The following AFF3 variants were observed in gnomAD, a reference collection of about 807,000 sequenced individuals.
AFF3 encodes the protein AF4/FMR2 family member 3.
AFF3 carries 32 observed loss-of-function variants against 129.7 expected under a neutral mutation model. That is an observed-to-expected ratio of 0.25 (90% confidence interval 0.19 to 0.33). The LOEUF is 0.33. Ranked by LOEUF, AFF3 falls within the 10% of genes least tolerant of loss-of-function variation. The pLI is 1.00. For synonymous variants in AFF3, 644 were observed against 635.4 expected, an observed-to-expected ratio of 1.01 and a Z score of -0.20; for missense variants, 1,373 against 1,592.0, an observed-to-expected ratio of 0.86 and a Z score of 2.34.
At chr2:100,034,523 C>G (rs1043126320) in intron 4 of AFF3, among the ~76,000 whole-genome samples, 9 of 151,856 alleles carry the variant, frequency 5.9e-5, no homozygotes, top group Non-Finnish European at 1.2e-4. Flanking sequence ...CCATAAAAAC[C>G]TAATTTTCCC....
At chr2:99,888,545 T>A (rs1244140097) in intron 7 of AFF3, among the ~76,000 whole-genome samples, 1 of 152,210 alleles carries the variant, frequency 6.6e-6, no homozygotes, top group Non-Finnish European at 1.5e-5. Flanking sequence ...AATTTCTTTT[T>A]AAAAATTGTG....
At chr2:100,134,294 A>G (rs990456530) in intron 1 of AFF3, among the ~76,000 whole-genome samples, 2 of 152,244 alleles carry the variant, frequency 1.3e-5, no homozygotes, top group African/African-American at 4.8e-5. Context: ...TTAAAATTTC[A>G]TCAATATTAT....
intron 2 of AFF3, among the ~76,000 whole-genome samples, chr2:100,111,265 G>C (rs756048192): frequency 3.3e-5 from 5 of 152,232 alleles, no homozygotes; most frequent in Non-Finnish European, 7.3e-5. Flanking sequence ...ACATTGCCGT[G>C]TATAGTCAGG....
intron 15 of AFF3, 49 bp downstream of exon 15, chr2:99,593,146 T>G (rs747462736): frequency 6.6e-6 from 10 of 1,520,588 alleles, no homozygotes; most frequent in Non-Finnish European, 7.9e-6. Context: ...AGTTAAGAGA[T>G]AGCCCCTTCC....
intron 21 of AFF3, 49 bp downstream of exon 21, chr2:99,560,316 A>G: frequency 2.5e-6 from 4 of 1,586,690 alleles, no homozygotes; most frequent in Non-Finnish European, 3.5e-6. Flanking sequence ...TTTGCCAATG[A>G]TGGCATGCGA....
At chr2:99,622,206 C>T (rs1682089765) in intron 13 of AFF3, among the ~76,000 whole-genome samples, 1 of 152,102 alleles carries the variant, frequency 6.6e-6, no homozygotes, top group African/African-American at 2.4e-5. Flanking sequence ...GTGCGTTCTC[C>T]TCCAACCATG....
At chr2:99,891,848 A>T (rs768230520) in intron 7 of AFF3, among the ~76,000 whole-genome samples, 6 of 149,874 alleles carry the variant, frequency 4.0e-5, no homozygotes, top group Non-Finnish European at 5.9e-5. Flanking sequence ...TTTGAGACAG[A>T]GTCTCGCTCT....
chr2:99,925,698 G>T (rs769012640), intron 7 of AFF3, among the ~76,000 whole-genome samples: 10 of 152,218 alleles, frequency 6.6e-5, no homozygotes, highest in Non-Finnish European at 1.2e-4. Flanking sequence ...CACTGAGGCT[G>T]TCTGGGCAGA....
At chr2:99,721,745 C>T (rs540095142) in intron 11 of AFF3, among the ~76,000 whole-genome samples, 11 of 152,262 alleles carry the variant, frequency 7.2e-5, no homozygotes, top group South Asian at 6.2e-4. Flanking sequence ...TAATGTTCCA[C>T]GGTGTAGTTT....
chr2:99,947,176 C>G (rs1057347301), intron 7 of AFF3, among the ~76,000 whole-genome samples: 1 of 152,168 alleles, frequency 6.6e-6, no homozygotes, highest in Non-Finnish European at 1.5e-5. Context: ...TGCAGTGGCT[C>G]ATGCCTGTAA....
At chr2:99,929,508 G>C (rs933268539) in intron 7 of AFF3, among the ~76,000 whole-genome samples, 2 of 152,070 alleles carry the variant, frequency 1.3e-5, no homozygotes, top group African/African-American at 4.8e-5. Context: ...TTAATTTTAT[G>C]TTGATGTGCT....
intron 9 of AFF3, among the ~76,000 whole-genome samples, chr2:99,745,723 T>A (rs1204385765): frequency 2.6e-5 from 4 of 152,222 alleles, no homozygotes; most frequent in Non-Finnish European, 4.4e-5. Context: ...TTATCTGCAA[T>A]GGAATAAAGC....
chr2:99,753,038 T>C (rs1406879648), intron 8 of AFF3, among the ~76,000 whole-genome samples: 1 of 152,156 alleles, frequency 6.6e-6, no homozygotes, highest in African/African-American at 2.4e-5. Context: ...CAGAATTACA[T>C]TGATTTCTGA....
intron 4 of AFF3, among the ~76,000 whole-genome samples, chr2:100,066,090 G>A (rs149204381): frequency 1.5e-3 from 230 of 152,282 alleles, no homozygotes; most frequent in African/African-American, 5.3e-3. Context: ...TAGTTCACTC[G>A]TGGTTAAAAT....
chr2:100,083,294 C>G (rs1216148318), intron 4 of AFF3, among the ~76,000 whole-genome samples: 1 of 152,174 alleles, frequency 6.6e-6, no homozygotes, highest in African/African-American at 2.4e-5. Context: ...TCTAAGCTAC[C>G]TGACTCCACT....
chr2:99,727,864 G>A (rs1679489266), intron 10 of AFF3, among the ~76,000 whole-genome samples: 1 of 152,150 alleles, frequency 6.6e-6, no homozygotes, highest in African/African-American at 2.4e-5. Flanking sequence ...GTCCGGCCAG[G>A]AGGAGAGAAT....
chr2:100,041,856 T>C (rs1370978730), intron 4 of AFF3, among the ~76,000 whole-genome samples: 1 of 152,238 alleles, frequency 6.6e-6, no homozygotes, highest in Non-Finnish European at 1.5e-5. Flanking sequence ...CACAGGCTAT[T>C]ATTACATGTA....
intron 13 of AFF3, among the ~76,000 whole-genome samples, chr2:99,615,531 G>A (rs1291158852): frequency 6.6e-6 from 1 of 152,258 alleles, no homozygotes; most frequent in Non-Finnish European, 1.5e-5. Context: ...CGACAACTGG[G>A]ATGGGAGCTG....
chr2:99,848,164 C>T (rs192970737), intron 7 of AFF3, among the ~76,000 whole-genome samples: 16 of 151,758 alleles, frequency 1.1e-4, no homozygotes, highest in South Asian at 4.2e-4. Flanking sequence ...GTGGGAGAAT[C>T]GCTTGAACTT....
Sources: gnomAD v4.1 joint callset for allele counts (sites outside exome capture counted in the v4.1 genomes callset) on GRCh38, gnomAD v4.1.1 for gene constraint, MANE v1.5 for transcripts, NCBI Gene and HGNC (gene_info 2026-07-23, HGNC 2026-07-21) for gene names.